Variants in FRRS1 observed in about 807,000 individuals in gnomAD.
FRRS1 encodes ferric chelate reductase 1, also known as ferric reductase 1.
In FRRS1, 51 loss-of-function variants were observed where a neutral mutation model predicts 70.7. The observed-to-expected ratio is 0.72, with a 90% confidence interval of 0.58 to 0.91. The LOEUF (loss-of-function observed/expected upper bound fraction) is 0.91, where lower values mean the gene tolerates loss of function less well. FRRS1 is among the 40% of genes least tolerant of loss of function. The probability of loss-of-function intolerance (pLI) is 0.00; values close to 1 mark genes in which losing one functional copy is unlikely to be tolerated. For missense variants in FRRS1, 672 were observed against 726.0 expected (o/e 0.93, Z 0.86); for synonymous variants, 225 against 238.7 (o/e 0.94, Z 0.53).
intron 1 of FRRS1, among the ~76,000 whole-genome samples, chr1:99,752,383 G>C (rs1656611849): frequency 6.6e-6 from 1 of 152,122 alleles, no homozygotes; most frequent in Non-Finnish European, 1.5e-5. Context: ...GGCCATTATA[G>C]GGTTCTTAAA....
rs200193081 is a variant in FRRS1, at chr1:99,712,464, G to T, written c.1375C>A (p.Leu459Ile). Residue 459 changes from leucine to isoleucine, a missense_variant, in exon 13 of 17, where the codon CTT (leucine) becomes ATT (isoleucine). Physicochemically the swap from Leu to Ile is conservative, Grantham distance 5. Coordinates refer to ENST00000646001, the MANE Select transcript of FRRS1 (RefSeq NM_001361041.2). ...CTGAAGACTGCCAGAAGAGGCTGAA[G>T]AACTGCCAAAGTCATCACTATACAG... Reference protein sequence around the residue: ...LGCIVMTLAVLQPLLAVFRPP... With the variant: ...LGCIVMTLAVIQPLLAVFRPP... 408 of 1,613,456 alleles carry T rather than the reference G, an allele frequency of 2.5e-4. 1 individual carries two copies. The highest frequency in any genetic ancestry group is 1.7e-4 in the Non-Finnish European group (204 of 1,179,654).
chr1:99,752,470 G>T (rs1656617056), intron 1 of FRRS1, among the ~76,000 whole-genome samples: 1 of 152,198 alleles, frequency 6.6e-6, no homozygotes, highest in South Asian at 2.1e-4. Flanking sequence ...AGAATAGCCA[G>T]TTGGTAGAGC....
intron 1 of FRRS1, among the ~76,000 whole-genome samples, chr1:99,750,601 T>C (rs1247791654): frequency 6.6e-6 from 1 of 151,604 alleles, no homozygotes; most frequent in Non-Finnish European, 1.5e-5. Flanking sequence ...TATGGGCTTG[T>C]GGGTAGACTG....
chr1:99,747,240 G>A (rs1656320292), intron 4 of FRRS1, 54 bp downstream of exon 4: 1 of 1,424,754 alleles, frequency 7.0e-7, no homozygotes, highest in African/African-American at 1.4e-5. Context: ...CCCCAGGGGT[G>A]GGGTCTGCAC....
chr1:99,725,824 A>G (rs1253629177), intron 9 of FRRS1, among the ~76,000 whole-genome samples: 1 of 152,232 alleles, frequency 6.6e-6, no homozygotes, highest in Admixed American at 6.5e-5. Flanking sequence ...ATACCCACAC[A>G]TTTAAAATTT....
intron 15 of FRRS1, among the ~76,000 whole-genome samples, chr1:99,710,401 T>C (rs1381506020): frequency 6.6e-6 from 1 of 152,186 alleles, no homozygotes. Context: ...ACCTAAATGA[T>C]AGCACCCAGT....
rs1653981479 is a variant in FRRS1, at chr1:99,704,574, C to T, written c.*4454G>A. Among the ~76,000 whole-genome samples the T allele has an allele frequency of 6.6e-6, 1 of 152,148 alleles. No homozygotes were observed. The highest frequency in any genetic ancestry group is 1.9e-4 in the East Asian group (1 of 5,176). On this transcript the variant is annotated 3_prime_UTR_variant, in exon 17 of 17. Coordinates refer to ENST00000646001, the MANE Select transcript of FRRS1 (RefSeq NM_001361041.2). ...GGACAGGCACCCCTGCCTTCAGCGCCCAAATGTTGCATTTCCTAAGACCAC... is the reference window on the plus strand; with the variant it reads ...GGACAGGCACCCCTGCCTTCAGCGCTCAAATGTTGCATTTCCTAAGACCAC...
intron 11 of FRRS1, among the ~76,000 whole-genome samples, chr1:99,716,556 C>T (rs915100681): frequency 2.0e-5 from 3 of 152,166 alleles, no homozygotes; most frequent in Admixed American, 6.5e-5. Flanking sequence ...GGTAGCAGTA[C>T]CGAGAACAAA....
At chr1:99,722,237 G>A (rs1328214390) in intron 9 of FRRS1, among the ~76,000 whole-genome samples, 2 of 152,086 alleles carry the variant, frequency 1.3e-5, no homozygotes, top group South Asian at 2.1e-4. Flanking sequence ...TCAAACTCCT[G>A]GGCTCAAATG....
chr1:99,731,459 A>T (rs1655376935), intron 7 of FRRS1, among the ~76,000 whole-genome samples: 1 of 152,236 alleles, frequency 6.6e-6, no homozygotes, highest in South Asian at 2.1e-4. Flanking sequence ...ATTACAGTAA[A>T]ATCAGAATTA....
chr1:99,754,507 A>AAG (rs60311161), intron 1 of FRRS1, among the ~76,000 whole-genome samples: 20,235 of 149,466 alleles, frequency 0.14, 1,793 homozygotes, highest in Non-Finnish European at 0.2. Flanking sequence ...GAGAGAGAGA[A>AAG]AGAGAGAGAG....
chr1:99,762,385 T>C (rs906211922), intron 1 of FRRS1, among the ~76,000 whole-genome samples: 2 of 152,144 alleles, frequency 1.3e-5, no homozygotes, highest in Non-Finnish European at 2.9e-5. Flanking sequence ...AAAAATATTT[T>C]AATTAAGTCT....
rs371455195 is a variant in FRRS1, at chr1:99,706,069, T to G, written c.*2959A>C. Reference sequence around the variant, plus strand: ...CAACCACCCATAAGCAGAAGAAGAATAATTTGGTTCTAATCAAAAGATTTG... The same window carrying G: ...CAACCACCCATAAGCAGAAGAAGAAGAATTTGGTTCTAATCAAAAGATTTG... On this transcript the variant is annotated 3_prime_UTR_variant, in exon 17 of 17. Coordinates refer to ENST00000646001, the MANE Select transcript of FRRS1 (RefSeq NM_001361041.2). 2.1e-4 allele frequency among the ~76,000 whole-genome samples: 32 copies of G among 152,088 alleles called. No homozygotes were observed. The highest frequency in any genetic ancestry group is 3.8e-4 in the Non-Finnish European group (26 of 67,970).
chr1:99,741,441 C>T (rs904565098), intron 5 of FRRS1, among the ~76,000 whole-genome samples: 2 of 152,194 alleles, frequency 1.3e-5, no homozygotes, highest in South Asian at 2.1e-4. Flanking sequence ...TGGGGACCCA[C>T]GCACAAAGTG....
At chr1:99,719,919 G>GTT (rs1654730889) in intron 9 of FRRS1, among the ~76,000 whole-genome samples, 1 of 152,054 alleles carries the variant, frequency 6.6e-6, no homozygotes, top group African/African-American at 2.4e-5. Context: ...AGAACTGGTG[G>GTT]TATAAAGAGA....
At chr1:99,725,253 A>G (rs1655027658) in intron 9 of FRRS1, among the ~76,000 whole-genome samples, 1 of 152,210 alleles carries the variant, frequency 6.6e-6, no homozygotes, top group African/African-American at 2.4e-5. Flanking sequence ...CAGGTCACAG[A>G]CCAGAACCAG....
rs1447996991 is a variant in FRRS1 at position 99,704,461 on chromosome 1, A to G, written c.*4567T>C. ...GGGCGTGGTCCCTTTAAATAACAGGAAAGGAGGGAAAGGAAGTGCTGGGTA... is the reference window on the plus strand; with the variant it reads ...GGGCGTGGTCCCTTTAAATAACAGGGAAGGAGGGAAAGGAAGTGCTGGGTA... On this transcript the variant is annotated 3_prime_UTR_variant, in exon 17 of 17. Transcript: ENST00000646001. Among the ~76,000 whole-genome samples, 1 of 152,052 alleles carries G rather than the reference A, an allele frequency of 6.6e-6. No homozygotes were observed. The highest frequency in any genetic ancestry group is 2.4e-5 in the African/African-American group (1 of 41,418).
At chr1:99,740,743 G>A (rs746760338) in intron 6 of FRRS1, 50 bp downstream of exon 6, 10 of 1,313,296 alleles carry the variant, frequency 7.6e-6, no homozygotes, top group South Asian at 2.4e-5. Flanking sequence ...ACCGGCCTGG[G>A]CAACATGGTG....
intron 11 of FRRS1, among the ~76,000 whole-genome samples, chr1:99,716,769 C>T (rs1654551592): frequency 6.6e-6 from 1 of 152,186 alleles, no homozygotes; most frequent in African/African-American, 2.4e-5. Flanking sequence ...ATGTAAATAT[C>T]TATACTCCAT....
Sources: allele counts gnomAD v4.1 joint callset (sites outside exome capture counted in the v4.1 genomes callset), GRCh38; gene constraint gnomAD v4.1.1; transcripts MANE v1.5; gene names NCBI Gene and HGNC (gene_info 2026-07-23, HGNC 2026-07-21).